NHSL3: variants seen among roughly 807,000 people sequenced by gnomAD.
NHSL3 encodes NHS like 3, also known as NHS-like protein 3.
At chr1:32,772,950 A>G in the NHSL3 span, 5 of 1,532,136 alleles carry the variant, frequency 3.3e-6, no homozygotes, top group Non-Finnish European at 4.5e-6. Context: ...GGACCCGAGC[A>G]GCTCCAAGGA....
At chr1:32,768,866 G>A in the NHSL3 span, 1 of 1,462,588 alleles carries the variant, frequency 6.8e-7, no homozygotes, top group Non-Finnish European at 9.3e-7. Flanking sequence ...GTTTCACCAG[G>A]CTCTCTGATT....
chr1:32,772,137 C>T, the NHSL3 span: 72 of 1,613,148 alleles, frequency 4.5e-5, no homozygotes, highest in South Asian at 5.3e-4. Context: ...TGGAGCGGCC[C>T]GTGTCCCCTG....
At chr1:32,755,475 C>T in the NHSL3 span, among the ~76,000 whole-genome samples, 1 of 152,120 alleles carries the variant, frequency 6.6e-6, no homozygotes, top group Non-Finnish European at 1.5e-5. Flanking sequence ...GGGACCTCTC[C>T]TCTCAATGAG....
the NHSL3 span, among the ~76,000 whole-genome samples, chr1:32,757,200 C>T: frequency 6.6e-5 from 10 of 152,136 alleles, no homozygotes; most frequent in Non-Finnish European, 1.2e-4. Flanking sequence ...TTTCATTAGT[C>T]TGTGAGAAGA....
At chr1:32,764,266 C>G in the NHSL3 span, among the ~76,000 whole-genome samples, 1 of 151,502 alleles carries the variant, frequency 6.6e-6, no homozygotes, top group Non-Finnish European at 1.5e-5. Flanking sequence ...CTTCACTACC[C>G]AAAATTACAT....
chr1:32,765,767 G>A, the NHSL3 span: 1 of 1,547,826 alleles, frequency 6.5e-7, no homozygotes, highest in Non-Finnish European at 8.7e-7. Context: ...GGCGCCCGCA[G>A]TCATGGTGGT....
chr1:32,750,663 A>G, the NHSL3 span, among the ~76,000 whole-genome samples: 1 of 151,894 alleles, frequency 6.6e-6, no homozygotes, highest in Non-Finnish European at 1.5e-5. Context: ...GCCTGCCACC[A>G]TGCCCAGCAA....
At chr1:32,754,587 G>T in the NHSL3 span, among the ~76,000 whole-genome samples, 1 of 152,086 alleles carries the variant, frequency 6.6e-6, no homozygotes, top group Non-Finnish European at 1.5e-5. Context: ...GCACACAGTC[G>T]TTCACACACA....
the NHSL3 span, among the ~76,000 whole-genome samples, chr1:32,763,007 G>A: frequency 7.0e-6 from 1 of 142,004 alleles, no homozygotes; most frequent in Admixed American, 7.1e-5. Context: ...TTGAGACGGA[G>A]TCTCTCTCTG....
chr1:32,769,837 C>T, the NHSL3 span: 29 of 1,610,686 alleles, frequency 1.8e-5, no homozygotes, highest in Admixed American at 2.2e-4. Context: ...GAGCCTTGGT[C>T]ATCCCCTCTC....
the NHSL3 span, chr1:32,767,819 A>C: frequency 1.2e-6 from 2 of 1,612,746 alleles, no homozygotes; most frequent in African/African-American, 2.7e-5. Flanking sequence ...CAAACATCTA[A>C]GTGTAGGGCC....
At chr1:32,771,371 C>T in the NHSL3 span, 1 of 1,572,054 alleles carries the variant, frequency 6.4e-7, no homozygotes, top group East Asian at 2.2e-5. Flanking sequence ...TCACCCCCAC[C>T]TTCCCCACCC....
At chr1:32,765,499 G>C in the NHSL3 span, 1 of 687,758 alleles carries the variant, frequency 1.5e-6, no homozygotes, top group African/African-American at 1.8e-5. Context: ...TACTGGAGCA[G>C]AGCACCCACG....
the NHSL3 span, chr1:32,770,611 A>G: frequency 6.6e-7 from 1 of 1,515,852 alleles, no homozygotes; most frequent in South Asian, 1.3e-5. This position sits in a 1 kb window ranked among gnomAD's most constrained non-coding sequence, Gnocchi z 8.3. Flanking sequence ...CACACTCAGC[A>G]TTCGGAGCAG....
the NHSL3 span, among the ~76,000 whole-genome samples, chr1:32,753,119 C>A: frequency 6.6e-6 from 1 of 151,428 alleles, no homozygotes; most frequent in East Asian, 2.0e-4. Flanking sequence ...CAGGCATGTG[C>A]CACCAAGCCT....
the NHSL3 span, among the ~76,000 whole-genome samples, chr1:32,748,731 C>A: frequency 6.6e-6 from 1 of 152,116 alleles, no homozygotes; most frequent in Non-Finnish European, 1.5e-5. Context: ...GGGGCCTGGA[C>A]CAATGTAATA....
the NHSL3 span, chr1:32,765,653 C>T: frequency 6.5e-7 from 1 of 1,530,994 alleles, no homozygotes; most frequent in East Asian, 2.5e-5. Flanking sequence ...CGGTGCTCTG[C>T]GGCGGGGCGG....
At chr1:32,768,472 A>G in the NHSL3 span, among the ~76,000 whole-genome samples, 4 of 152,132 alleles carry the variant, frequency 2.6e-5, no homozygotes, top group Admixed American at 2.0e-4. Context: ...GAGGGTACCT[A>G]TAATCCCAGC....
the NHSL3 span, among the ~76,000 whole-genome samples, chr1:32,750,840 C>T: frequency 7.0e-6 from 1 of 143,230 alleles, no homozygotes; most frequent in Non-Finnish European, 1.5e-5. Flanking sequence ...TTGAGACAGT[C>T]TCGCTGTGTC....
Sources: allele counts gnomAD v4.1 joint callset (sites outside exome capture counted in the v4.1 genomes callset), GRCh38; gene constraint gnomAD v4.1.1; non-coding constraint Gnocchi (gnomAD v3.1); transcripts MANE v1.5; gene names NCBI Gene and HGNC (gene_info 2026-07-23, HGNC 2026-07-21).